ZFHX3: variants seen among roughly 807,000 people sequenced by gnomAD.
ZFHX3 encodes zinc finger homeobox 3.
ZFHX3 carries 42 observed loss-of-function variants against 279.1 expected under a neutral mutation model. The observed-to-expected ratio is 0.15, with a 90% CI of 0.12 to 0.19. The LOEUF (loss-of-function observed/expected upper bound fraction) is 0.19. Ranked by LOEUF, ZFHX3 falls within the 10% of genes least tolerant of loss-of-function variation. The pLI, the probability that ZFHX3 is intolerant of heterozygous loss-of-function variation, is 1.00. For missense variants in ZFHX3, 4,981 were observed against 4,754.0 expected, an observed-to-expected ratio of 1.05 and a Z score of -1.40; for synonymous variants, 2,293 against 1,957.8, an observed-to-expected ratio of 1.17 and a Z score of -4.52.
intron 3 of ZFHX3, among the ~76,000 whole-genome samples, chr16:73,406,022 G>T (rs886872149): frequency 3.9e-5 from 6 of 152,244 alleles, no homozygotes; most frequent in African/African-American, 1.2e-4. Context: ...ATGCCCGTAG[G>T]GGCACACGCC....
At chr16:73,228,653 A>T (rs907288089) in intron 5 of ZFHX3, among the ~76,000 whole-genome samples, 5 of 152,074 alleles carry the variant, frequency 3.3e-5, no homozygotes, top group Non-Finnish European at 7.4e-5. Context: ...ACAGAGGGAG[A>T]CCCTGTCTCA....
intron 1 of ZFHX3, among the ~76,000 whole-genome samples, chr16:73,776,889 CTTTAT>C (rs1959267770): frequency 6.6e-6 from 1 of 152,056 alleles, no homozygotes; most frequent in African/African-American, 2.4e-5. Flanking sequence ...GGCCTGCTTG[CTTTAT>C]TTTTTTTAAG....
chr16:73,555,236 C>T (rs1025753963), intron 2 of ZFHX3, among the ~76,000 whole-genome samples: 2 of 152,022 alleles, frequency 1.3e-5, no homozygotes, highest in Non-Finnish European at 2.9e-5. Flanking sequence ...CTCACTGCAA[C>T]CTGTGCCTCC....
At chr16:73,548,469 T>C (rs993043118) in intron 2 of ZFHX3, among the ~76,000 whole-genome samples, 4 of 146,686 alleles carry the variant, frequency 2.7e-5, no homozygotes, top group Middle Eastern at 7.0e-3. Flanking sequence ...TGTTTAGCCT[T>C]TTTTTTTTTT....
intron 1 of ZFHX3, among the ~76,000 whole-genome samples, chr16:73,833,577 G>A (rs1961057801): frequency 6.6e-6 from 1 of 151,650 alleles, no homozygotes; most frequent in South Asian, 2.1e-4. Context: ...ATACAGGGAG[G>A]AGAACATCAC....
intron 5 of ZFHX3, among the ~76,000 whole-genome samples, chr16:73,155,746 C>G (rs1490390407): frequency 6.6e-6 from 1 of 151,918 alleles, no homozygotes; most frequent in Non-Finnish European, 1.5e-5. Flanking sequence ...TCGCTTGAAC[C>G]CAGGAGGCGG....
rs562150436 is a variant in ZFHX3, at chr16:72,997,913, T to G, written c.-49-37719A>C. ...CTGGGCAACACAGGGAAAGCCTATC[T>G]CTACAAAAAAAGAAAAAAATTAGCT... is the stretch of plus-strand genomic sequence containing the variant. On this transcript the variant is annotated intron_variant, in intron 1 of 9. Transcript: ENST00000268489. Among the ~76,000 whole-genome samples the G allele has an allele frequency of 2.7e-5, 4 of 150,936 alleles. No individual in the cohort carries two copies. In the South Asian group the frequency reaches 8.4e-4, roughly 32 times the overall value.
chr16:73,480,486 C>T (rs533092348), intron 2 of ZFHX3, among the ~76,000 whole-genome samples: 4 of 152,264 alleles, frequency 2.6e-5, no homozygotes, highest in South Asian at 2.1e-4. Context: ...AGGCAAAGGA[C>T]GAAAAGTTCC....
At chr16:73,799,550 C>T (rs903118692) in intron 1 of ZFHX3, among the ~76,000 whole-genome samples, 1 of 152,114 alleles carries the variant, frequency 6.6e-6, no homozygotes, top group Non-Finnish European at 1.5e-5. Context: ...TCCTGGTGCA[C>T]CTGTTGCTCA....
At chr16:73,236,765 C>T (rs2012962249) in intron 5 of ZFHX3, among the ~76,000 whole-genome samples, 1 of 152,092 alleles carries the variant, frequency 6.6e-6, no homozygotes, top group Admixed American at 6.5e-5. Context: ...TTTTCTTTTT[C>T]ATTTTAAAAA....
chr16:73,784,474 C>A (rs754388501), intron 1 of ZFHX3, among the ~76,000 whole-genome samples: 1 of 151,904 alleles, frequency 6.6e-6, no homozygotes, highest in East Asian at 1.9e-4. Flanking sequence ...TTTGGCTGGG[C>A]GCAGTGGCTC....
chr16:73,404,996 A>G (rs1265413841), intron 3 of ZFHX3, among the ~76,000 whole-genome samples: 1 of 152,218 alleles, frequency 6.6e-6, no homozygotes, highest in Non-Finnish European at 1.5e-5. Context: ...GCAACGGTCC[A>G]AGGTGGCAGA....
At chr16:73,617,219 G>A (rs2052314095) in intron 2 of ZFHX3, among the ~76,000 whole-genome samples, 1 of 152,222 alleles carries the variant, frequency 6.6e-6, no homozygotes, top group African/African-American at 2.4e-5. Context: ...TAATTGATAT[G>A]ACGGGCTGCT....
chr16:73,016,917 C>T (rs1435322369), intron 1 of ZFHX3, among the ~76,000 whole-genome samples: 1 of 147,628 alleles, frequency 6.8e-6, no homozygotes, highest in East Asian at 2.0e-4. Context: ...TGCCTTAATG[C>T]ACCTTTGAAA....
rs545685836 is a variant in ZFHX3 at position 73,668,756 on chromosome 16, A to G, written c.-1547+11424T>C. Among the ~76,000 whole-genome samples the G allele has an allele frequency of 1.3e-3, 205 of 152,318 alleles. 1 individual carries two copies. Among genetic ancestry groups the G allele is most frequent in the Admixed American group, 3.5e-3 (54 of 15,304 alleles). ...CCCCATCAAAAAGTGGGCAAAGGAT[A>G]TGAACAGACACTTCTCAAAAGAAGA... On this transcript the variant is annotated intron_variant, in intron 2 of 17. Transcript: ENST00000641206.
intron 1 of ZFHX3, among the ~76,000 whole-genome samples, chr16:73,803,586 G>C (rs1156362666): frequency 1.3e-5 from 2 of 152,194 alleles, no homozygotes; most frequent in African/African-American, 4.8e-5. Flanking sequence ...GTAGAAGGAT[G>C]TTTATTTAAT....
chr16:73,887,925 C>T (rs1452570895), intron 1 of ZFHX3, among the ~76,000 whole-genome samples: 1 of 152,108 alleles, frequency 6.6e-6, no homozygotes, highest in Non-Finnish European at 1.5e-5. Context: ...GATATAAGTG[C>T]TAAGTCCTCA....
At chr16:73,127,080 C>A in intron 7 of ZFHX3, 1 of 270,582 alleles carries the variant, frequency 3.7e-6, no homozygotes, top group Non-Finnish European at 7.3e-6. Flanking sequence ...AGACGGGGTG[C>A]AGGGCCTCCT....
chr16:73,513,336 T>C (rs2019465357), intron 2 of ZFHX3, among the ~76,000 whole-genome samples: 1 of 152,110 alleles, frequency 6.6e-6, no homozygotes, highest in Admixed American at 6.5e-5. Context: ...ATGGATATGG[T>C]AGGAATATTC....
Sources: allele counts gnomAD v4.1 joint callset (sites outside exome capture counted in the v4.1 genomes callset), GRCh38; gene constraint gnomAD v4.1.1; transcripts MANE v1.5; gene names NCBI Gene and HGNC (gene_info 2026-07-23, HGNC 2026-07-21).